Variants in RBMS1 observed in about 807,000 individuals in gnomAD.
The protein encoded by RBMS1 is RNA binding motif single stranded interacting protein 1, also known as RNA-binding motif, single-stranded-interacting protein 1.
Under a neutral mutation model 62.3 loss-of-function variants are expected in RBMS1, and 17 were observed. The observed-to-expected ratio is 0.27, with a 90% CI of 0.19 to 0.41. RBMS1 has a LOEUF of 0.41. Ranked by LOEUF, RBMS1 falls within the 10% of genes least tolerant of loss-of-function variation. RBMS1 has a pLI of 1.00. For synonymous variants in RBMS1, 172 were observed against 170.0 expected (o/e 1.01, Z -0.09); for missense variants, 334 against 504.5 (o/e 0.66, Z 3.24).
chr2:160,383,453 T>TTGA (rs1553518102), intron 1 of RBMS1, among the ~76,000 whole-genome samples: 10,650 of 74,944 alleles, frequency 0.14, 592 homozygotes, highest in South Asian at 0.27. Context: ...AGACATGAAT[T>TTGA]GGGGGGGGGG....
chr2:160,493,458 A>AGCGGCGGCGGCG lies in RBMS1; in HGVS notation c.-107_-96dup, dbSNP rs1200874502. The AGCGGCGGCGGCG allele has an allele frequency of 7.4e-6, 9 of 1,219,504 alleles. No homozygotes were observed. The African/African-American group carries it at 1.2e-4, about 17-fold the overall frequency. The allele number at this position is 1,219,504 out of a possible 1,614,324, so 75.5% of individuals were successfully genotyped here. The stretch of plus-strand genomic sequence containing the variant: ...CCTCTCCCTTTCCGGCGGCGGCGGC[A>AGCGGCGGCGGCG]GCGGCGGCGGCGGCGGCGGCTGCTG... On this transcript the variant is annotated 5_prime_UTR_variant, in exon 1 of 14. Coordinates refer to ENST00000348849, the MANE Select transcript of RBMS1 (RefSeq NM_016836.4).
At chr2:160,432,478 C>T (rs1342141060) in intron 1 of RBMS1, 2 of 152,192 alleles carry the variant, frequency 1.3e-5, no homozygotes, top group Admixed American at 1.3e-4. Flanking sequence ...GCCTTCCAAA[C>T]TCCAGGAAAT....
rs1217551761 is a variant in RBMS1 at position 160,375,686 on chromosome 2, CCAAA to C, written c.76-8299_76-8296del. 1.2e-4 allele frequency among the ~76,000 whole-genome samples: 18 copies of C among 152,110 alleles called. No homozygotes were observed. In the East Asian group the frequency reaches 2.5e-3, roughly 21 times the overall value. ...TTCAACACAATAAATAAATTACAGC[CCAAA>C]CAAACAGTAATTAGAACGCAGTAAA... On this transcript the variant is annotated intron_variant, in intron 1 of 13. Transcript: ENST00000348849.
intron 1 of RBMS1, among the ~76,000 whole-genome samples, chr2:160,378,718 A>T (rs1559472187): frequency 6.6e-6 from 1 of 152,078 alleles, no homozygotes; most frequent in Non-Finnish European, 1.5e-5. Flanking sequence ...TTAAAGAATC[A>T]CTAGAATTGC....
intron 1 of RBMS1, among the ~76,000 whole-genome samples, chr2:160,487,481 A>C (rs1468587614): frequency 1.3e-5 from 2 of 152,210 alleles, no homozygotes; most frequent in African/African-American, 4.8e-5. Flanking sequence ...TCCCAATGTC[A>C]AGTGCAAAGA....
intron 2 of RBMS1, among the ~76,000 whole-genome samples, chr2:160,327,227 A>T (rs955408456): frequency 1.3e-5 from 2 of 152,228 alleles, no homozygotes; most frequent in Admixed American, 1.3e-4. Flanking sequence ...GAAACTGGTC[A>T]TCTCTACCCA....
intron 1 of RBMS1, among the ~76,000 whole-genome samples, chr2:160,395,300 A>T (rs921779639): frequency 2.0e-5 from 3 of 152,242 alleles, no homozygotes; most frequent in Non-Finnish European, 4.4e-5. Flanking sequence ...TAAGGAAAGC[A>T]GCTTTGAACA....
intron 1 of RBMS1, among the ~76,000 whole-genome samples, chr2:160,450,563 T>TAAAAAAAAAAAAAAAAAAAAAAAAAAA (rs71006605): frequency 8.2e-6 from 1 of 122,392 alleles, no homozygotes; most frequent in Non-Finnish European, 1.6e-5. Flanking sequence ...AAATAAAAAA[T>TAAAAAAAAAAAAAAAAAAAAAAAAAAA]GAAAAAAAAA....
At chr2:160,387,618 G>C (rs1393156227) in intron 1 of RBMS1, among the ~76,000 whole-genome samples, 1 of 152,116 alleles carries the variant, frequency 6.6e-6, no homozygotes, top group East Asian at 1.9e-4. Flanking sequence ...AGCAGAGAGG[G>C]TGAGGAAAAG....
chr2:160,330,627 T>TG lies in RBMS1; in HGVS notation c.252-12401_252-12400insC, dbSNP rs921155035. Reference sequence around the variant, plus strand: ...GTTCACATGAAAATATGTTTTTTTTTTTTGTTTGTTTGCTTTTGATTAAGC... The same window carrying TG: ...GTTCACATGAAAATATGTTTTTTTTTGTTTGTTTGTTTGCTTTTGATTAAGC... On this transcript the variant is annotated intron_variant, in intron 2 of 13. Coordinates refer to ENST00000348849, the MANE Select transcript of RBMS1 (RefSeq NM_016836.4). 8.7e-4 allele frequency among the ~76,000 whole-genome samples: 133 copies of TG among 152,074 alleles called. 1 individual carries two copies. Among genetic ancestry groups the TG allele is most frequent in the Middle Eastern group, 3.4e-3 (1 of 294 alleles).
chr2:160,481,332 T>C (rs561862512), intron 1 of RBMS1, among the ~76,000 whole-genome samples: 1 of 86,304 alleles, frequency 1.2e-5, no homozygotes, highest in East Asian at 2.8e-4. Flanking sequence ...ATGTGAAAGA[T>C]AAAACACAGC....
intron 1 of RBMS1, among the ~76,000 whole-genome samples, chr2:160,412,253 G>A (rs1696066008): frequency 7.9e-5 from 12 of 152,184 alleles, no homozygotes; most frequent in Admixed American, 7.9e-4. Context: ...CCTGAAATTA[G>A]AGAATTGAAT....
intron 1 of RBMS1, among the ~76,000 whole-genome samples, chr2:160,475,481 GT>G (rs1010804939): frequency 2.0e-5 from 3 of 152,214 alleles, no homozygotes; most frequent in Non-Finnish European, 4.4e-5. Flanking sequence ...TCCCCTCCAG[GT>G]TCTGGTAACT....
intron 1 of RBMS1, among the ~76,000 whole-genome samples, chr2:160,423,619 C>A (rs148880618): frequency 2.2e-4 from 34 of 152,272 alleles, no homozygotes; most frequent in African/African-American, 8.2e-4. Context: ...TTGGGGTCCT[C>A]CTTTACCATC....
chr2:160,424,377 G>A (rs6746841), intron 1 of RBMS1, among the ~76,000 whole-genome samples: 109,299 of 147,322 alleles, frequency 0.74, 40,928 homozygotes, highest in Middle Eastern at 0.85. Context: ...GGGGGGGGGG[G>A]AAACAAAAAG....
chr2:160,404,338 G>C (rs1695584390), intron 1 of RBMS1, among the ~76,000 whole-genome samples: 1 of 152,168 alleles, frequency 6.6e-6, no homozygotes. Context: ...GGGCAGGTGA[G>C]AGATGAGTAC....
intron 2 of RBMS1, among the ~76,000 whole-genome samples, chr2:160,319,321 G>A (rs957190177): frequency 2.1e-4 from 32 of 152,274 alleles, no homozygotes; most frequent in Non-Finnish European, 2.8e-4. Flanking sequence ...AGACCAGCTT[G>A]GCCAACATGG....
intron 1 of RBMS1, among the ~76,000 whole-genome samples, chr2:160,451,097 A>T (rs1490254915): frequency 6.6e-6 from 1 of 151,214 alleles, no homozygotes; most frequent in African/African-American, 2.4e-5. Context: ...TTGAGGCTGC[A>T]GTGAGCTGTG....
intron 1 of RBMS1, 78 bp downstream of exon 1, chr2:160,493,211 C>A: frequency 2.2e-6 from 3 of 1,371,740 alleles, no homozygotes; most frequent in South Asian, 1.2e-5. Flanking sequence ...CGCCGCGCGC[C>A]CCCCTCCCCA....
Sources: gnomAD v4.1 joint callset for allele counts (sites outside exome capture counted in the v4.1 genomes callset) on GRCh38, gnomAD v4.1.1 for gene constraint, MANE v1.5 for transcripts, NCBI Gene and HGNC (gene_info 2026-07-23, HGNC 2026-07-21) for gene names.